The following POMT2 variants were observed in gnomAD, a reference collection of about 807,000 sequenced individuals.
POMT2 encodes protein O-mannosyltransferase 2, also known as protein O-mannosyl-transferase 2.
In POMT2, 75 loss-of-function variants were observed where a neutral mutation model predicts 100.0. That is an observed-to-expected ratio of 0.75 (90% CI 0.62 to 0.91). The LOEUF (loss-of-function observed/expected upper bound fraction) is 0.91, where lower values mean the gene tolerates loss of function less well. Ranked by LOEUF, POMT2 falls within the 40% of genes least tolerant of loss-of-function variation. POMT2 has a pLI of 0.00. For synonymous variants in POMT2, 378 were observed against 374.1 expected (o/e 1.01, Z -0.12); for missense variants, 940 against 955.1 (o/e 0.98, Z 0.21).
Position 77,288,846 on chromosome 14 carries a change from C to T in POMT2, c.1184-15G>A. On this transcript the variant is annotated splice_polypyrimidine_tract_variant and intron_variant, in intron 10 of 20. Coordinates refer to ENST00000261534, the MANE Select transcript of POMT2 (RefSeq NM_013382.7). Reference sequence around the variant, plus strand: ...GTCTAGGGGATCTGCCAAAAAGAAACAAGCATTGATATCCAAAATCACTCA... The same window carrying T: ...GTCTAGGGGATCTGCCAAAAAGAAATAAGCATTGATATCCAAAATCACTCA... The T allele has an allele frequency of 1.2e-6, 2 of 1,612,230 alleles. No individual in the cohort carries two copies. Among genetic ancestry groups the T allele is most frequent in the South Asian group, 1.1e-5 (1 of 91,024 alleles).
intron 1 of POMT2, chr14:77,312,718 A>T (rs948771754): frequency 1.3e-5 from 2 of 152,210 alleles, no homozygotes; most frequent in Non-Finnish European, 2.9e-5. Flanking sequence ...AATTAAAAAA[A>T]GTTTCTTCCA....
At chr14:77,295,651 A>G (rs1393491198) in intron 9 of POMT2, among the ~76,000 whole-genome samples, 1 of 141,074 alleles carries the variant, frequency 7.1e-6, no homozygotes, top group East Asian at 2.1e-4. Context: ...AAAAAAAAAA[A>G]GAAGAGGATA....
At chr14:77,283,983 C>A in intron 14 of POMT2, 110 bp from the exon 15 acceptor site, 1 of 938,900 alleles carries the variant, frequency 1.1e-6, no homozygotes, top group South Asian at 1.3e-5. Flanking sequence ...CTGACAAGTT[C>A]ACAACTGTTG....
At position 77,320,872 on chromosome 14, in the gene POMT2, G is replaced by A. The variant is rs1212291205; in HGVS notation, c.-191C>T. 2 of 1,213,336 alleles carry A rather than the reference G, an allele frequency of 1.6e-6. No individual in the cohort carries two copies. Among genetic ancestry groups the A allele is most frequent in the Non-Finnish European group, 2.1e-6 (2 of 934,230 alleles). 75.2% of individuals were successfully genotyped at this position (1,213,336 alleles called of 1,614,324 possible). On this transcript the variant is annotated 5_prime_UTR_variant, in exon 1 of 21. Coordinates refer to ENST00000261534, the MANE Select transcript of POMT2 (RefSeq NM_013382.7). ...GTCGCGGCCCGGGCCGCTAGGAGGC[G>A]GCAGGAGGCGCAGAGCATGTCGGGA...
chr14:77,277,537 G>A, intron 20 of POMT2, 56 bp from the exon 21 acceptor site: 1 of 1,327,596 alleles, frequency 7.5e-7, no homozygotes. Flanking sequence ...CAGCTGAGGG[G>A]CTTTGAATTC....
chr14:77,317,392 G>A (rs558683080), intron 1 of POMT2, among the ~76,000 whole-genome samples: 6 of 152,182 alleles, frequency 3.9e-5, no homozygotes, highest in Non-Finnish European at 8.8e-5. Flanking sequence ...TAAACTGCCA[G>A]GTTTTCTGCT....
chr14:77,289,457 T>C (rs1002778836), intron 10 of POMT2, among the ~76,000 whole-genome samples: 1 of 11,438 alleles, frequency 8.7e-5, no homozygotes. Context: ...TAAGGGTGGG[T>C]GGGGTGGGGG....
chr14:77,285,447 C>G (rs1012643609), intron 13 of POMT2, 34 bp downstream of exon 13: 7 of 1,613,590 alleles, frequency 4.3e-6, no homozygotes, highest in Non-Finnish European at 5.9e-6. Context: ...AAATCAGGAC[C>G]CTCGATTGGG....
chr14:77,286,862 A>G (rs1890444425), intron 11 of POMT2, 40 bp from the exon 12 acceptor site: 1 of 1,613,992 alleles, frequency 6.2e-7, no homozygotes, highest in Non-Finnish European at 8.5e-7. Context: ...TCCTATAGAA[A>G]GATGATGTGC....
intron 9 of POMT2, among the ~76,000 whole-genome samples, chr14:77,293,727 C>T (rs563341150): frequency 6.6e-6 from 1 of 152,332 alleles, no homozygotes; most frequent in South Asian, 2.1e-4. Flanking sequence ...CAGACACTTT[C>T]GTCCCTTGGC....
At chr14:77,277,808 C>G (rs1890027035) in intron 20 of POMT2, among the ~76,000 whole-genome samples, 2 of 152,214 alleles carry the variant, frequency 1.3e-5, no homozygotes, top group Admixed American at 1.3e-4. Context: ...TGCTCACAGG[C>G]CACAGGCCCA....
chr14:77,312,690 A>T (rs990274368), intron 1 of POMT2: 4 of 152,188 alleles, frequency 2.6e-5, no homozygotes, highest in African/African-American at 9.7e-5. Flanking sequence ...TCAAGTAGCT[A>T]GTGTAAACAA....
At chr14:77,287,739 T>C (rs1411216397) in intron 11 of POMT2, 4 of 152,094 alleles carry the variant, frequency 2.6e-5, no homozygotes, top group Admixed American at 6.6e-5. Flanking sequence ...TAAAAAACTA[T>C]GGGAACAAAT....
At chr14:77,296,579 A>G (rs1046724570) in intron 8 of POMT2, 6 of 382,808 alleles carry the variant, frequency 1.6e-5, no homozygotes, top group Admixed American at 1.3e-4. Context: ...AGGTCTCCAC[A>G]TGGATTCAAT....
intron 15 of POMT2, among the ~76,000 whole-genome samples, chr14:77,282,706 TC>T (rs1245966776): frequency 6.6e-6 from 1 of 152,140 alleles, no homozygotes; most frequent in African/African-American, 2.4e-5. Flanking sequence ...ACTTATCACC[TC>T]CCAATGCGCA....
At chr14:77,286,898 T>C in intron 11 of POMT2, 76 bp from the exon 12 acceptor site, 1 of 1,608,602 alleles carries the variant, frequency 6.2e-7, no homozygotes, top group Non-Finnish European at 8.5e-7. Context: ...ACCAAGGATG[T>C]TCAGAGTCAA....
At chr14:77,288,253 TAAG>T (rs1328341478) in intron 11 of POMT2, among the ~76,000 whole-genome samples, 1 of 152,258 alleles carries the variant, frequency 6.6e-6, no homozygotes, top group Non-Finnish European at 1.5e-5. Context: ...TTTATGCTCT[TAAG>T]AAGTCTTTAT....
intron 18 of POMT2, 151 bp downstream of exon 18, chr14:77,279,672 G>A: frequency 1.3e-6 from 1 of 781,240 alleles, no homozygotes; most frequent in Non-Finnish European, 2.2e-6. Flanking sequence ...CTGGGTACTT[G>A]GGGGTTGTTA....
At chr14:77,309,239 G>C (rs986067943) in intron 2 of POMT2, among the ~76,000 whole-genome samples, 2 of 152,170 alleles carry the variant, frequency 1.3e-5, no homozygotes, top group African/African-American at 4.8e-5. Flanking sequence ...TTACCTCTGC[G>C]GACTAGAAAT....
Sources: gnomAD v4.1 joint callset for allele counts (sites outside exome capture counted in the v4.1 genomes callset) on GRCh38, gnomAD v4.1.1 for gene constraint, MANE v1.5 for transcripts, NCBI Gene and HGNC (gene_info 2026-07-23, HGNC 2026-07-21) for gene names.